The following HCN1 variants were observed in gnomAD, a reference collection of about 807,000 sequenced individuals.
HCN1 encodes potassium/sodium hyperpolarization-activated cyclic nucleotide-gated channel 1.
A neutral mutation model predicts 78.9 loss-of-function variants in HCN1; 13 were observed. That is an observed-to-expected ratio of 0.16 (90% CI 0.11 to 0.26). The LOEUF is 0.26. Ranked by LOEUF, HCN1 falls within the 10% of genes least tolerant of loss-of-function variation. The probability of loss-of-function intolerance (pLI) is 1.00; values close to 1 mark genes in which losing one functional copy is unlikely to be tolerated. For synonymous variants in HCN1, 552 were observed against 455.5 expected (o/e 1.21, Z -2.70); for missense variants, 810 against 1,154.3 (o/e 0.70, Z 4.32).
At chr5:45,352,718 T>A (rs1311824699) in intron 5 of HCN1, among the ~76,000 whole-genome samples, 3 of 151,826 alleles carry the variant, frequency 2.0e-5, no homozygotes, top group Non-Finnish European at 4.4e-5. Context: ...TCACAGCAAG[T>A]CATTGTCTTA....
At position 45,646,448 on chromosome 5, in the gene HCN1, G is replaced by A. The variant is rs1580015596; in HGVS notation, c.426-840C>T. Reference sequence around the variant, plus strand: ...TACAATGGCACAATCTCAGCTCACTGAAACCTCCGCCTCCCAAGTTCAAGT... The same window carrying A: ...TACAATGGCACAATCTCAGCTCACTAAAACCTCCGCCTCCCAAGTTCAAGT... On this transcript the variant is annotated intron_variant, in intron 1 of 7. Coordinates refer to ENST00000303230, the MANE Select transcript of HCN1 (RefSeq NM_021072.4). Among the ~76,000 whole-genome samples the A allele has an allele frequency of 2.9e-5, 4 of 138,148 alleles. No homozygotes were observed. In the South Asian group the frequency reaches 6.7e-4, roughly 23 times the overall value. The allele number at this position is 138,148 out of a possible 152,430, so 90.6% of individuals were successfully genotyped here. A position where few individuals can be genotyped will look rare whatever the true frequency, so the allele number is the denominator to read the frequency against.
At chr5:45,622,352 G>A (rs577095528) in intron 2 of HCN1, among the ~76,000 whole-genome samples, 1 of 152,304 alleles carries the variant, frequency 6.6e-6, no homozygotes, top group East Asian at 1.9e-4. Context: ...TTGTGGATGG[G>A]ATGAATGCTT....
At chr5:45,314,370 C>A (rs537888562) in intron 5 of HCN1, among the ~76,000 whole-genome samples, 1 of 152,258 alleles carries the variant, frequency 6.6e-6, no homozygotes, top group African/African-American at 2.4e-5. Flanking sequence ...AAGCACTAAA[C>A]ATGGAAAGGA....
intron 2 of HCN1, among the ~76,000 whole-genome samples, chr5:45,609,546 T>C (rs571337050): frequency 2.0e-5 from 3 of 152,254 alleles, no homozygotes; most frequent in African/African-American, 7.2e-5. Flanking sequence ...ATATTCTCTA[T>C]TAGATTCTAT....
At chr5:45,476,397 T>C (rs985173716) in intron 2 of HCN1, among the ~76,000 whole-genome samples, 1 of 152,110 alleles carries the variant, frequency 6.6e-6, no homozygotes, top group Non-Finnish European at 1.5e-5. Context: ...CTGTAAGAAA[T>C]CACTATCTGT....
chr5:45,564,403 A>G lies in HCN1; in HGVS notation c.849+80782T>C, dbSNP rs570227506. On this transcript the variant is annotated intron_variant, in intron 2 of 7. Transcript: ENST00000303230. ...AGCCTCCCGAGTAGCTGGGACTACC[A>G]CGCCTGACTAATTTAGTAGAAACGG... Among the ~76,000 whole-genome samples, 28 of 151,788 alleles carry G rather than the reference A, an allele frequency of 1.8e-4. 1 individual carries two copies. In the South Asian group the frequency reaches 5.6e-3, roughly 31 times the overall value.
chr5:45,668,304 T>TG (rs1746089530), intron 1 of HCN1, among the ~76,000 whole-genome samples: 1 of 151,758 alleles, frequency 6.6e-6, no homozygotes, highest in Non-Finnish European at 1.5e-5. Context: ...GATTGGATCA[T>TG]GGGGGCACTT....
intron 3 of HCN1, among the ~76,000 whole-genome samples, chr5:45,435,700 G>A (rs984187899): frequency 1.3e-5 from 2 of 152,084 alleles, no homozygotes; most frequent in African/African-American, 4.8e-5. Flanking sequence ...TATTAAATGA[G>A]ACTTTGATAA....
At chr5:45,347,316 A>G (rs1246935496) in intron 5 of HCN1, among the ~76,000 whole-genome samples, 1 of 152,222 alleles carries the variant, frequency 6.6e-6, no homozygotes, top group Non-Finnish European at 1.5e-5. Flanking sequence ...CCTGTCTGTT[A>G]GAAGGAAAAC....
chr5:45,625,157 GC>G (rs1489688979), intron 2 of HCN1, among the ~76,000 whole-genome samples: 1 of 151,940 alleles, frequency 6.6e-6, no homozygotes, highest in African/African-American at 2.4e-5. Context: ...ACAAAAATTA[GC>G]CGGGTATGGT....
At chr5:45,497,658 T>C (rs1186133863) in intron 2 of HCN1, among the ~76,000 whole-genome samples, 2 of 152,126 alleles carry the variant, frequency 1.3e-5, no homozygotes, top group Non-Finnish European at 2.9e-5. Context: ...CTTTATCCAA[T>C]TCGCCAGTCT....
At chr5:45,558,101 C>CA (rs1383759114) in intron 2 of HCN1, 3 of 146,976 alleles carry the variant, frequency 2.0e-5, no homozygotes, top group Non-Finnish European at 4.5e-5. Context: ...TGAAGGATAT[C>CA]AAAAACTCTA....
At chr5:45,395,713 C>G (rs1045251733) in intron 4 of HCN1, among the ~76,000 whole-genome samples, 1 of 151,852 alleles carries the variant, frequency 6.6e-6, no homozygotes, top group South Asian at 2.1e-4. Context: ...TCAACAAAGC[C>G]CCTACATTAC....
At chr5:45,393,186 T>G (rs1739618275) in intron 4 of HCN1, among the ~76,000 whole-genome samples, 1 of 152,184 alleles carries the variant, frequency 6.6e-6, no homozygotes, top group African/African-American at 2.4e-5. Context: ...ATAAAAGTCT[T>G]TCATGTATAT....
intron 2 of HCN1, among the ~76,000 whole-genome samples, chr5:45,504,984 T>C (rs1404413574): frequency 6.6e-6 from 1 of 152,204 alleles, no homozygotes; most frequent in Non-Finnish European, 1.5e-5. Flanking sequence ...GAGTTCATTG[T>C]AGATTCTGGA....
At chr5:45,466,568 G>A (rs1012365029) in intron 2 of HCN1, among the ~76,000 whole-genome samples, 6 of 151,694 alleles carry the variant, frequency 4.0e-5, no homozygotes, top group Admixed American at 2.0e-4. Flanking sequence ...TTTATATTTC[G>A]GCACCTGCAC....
intron 4 of HCN1, among the ~76,000 whole-genome samples, chr5:45,371,033 G>C (rs140448920): frequency 2.6e-5 from 4 of 152,146 alleles, no homozygotes; most frequent in African/African-American, 9.6e-5. Flanking sequence ...CATTACAGAC[G>C]TTGGGACATA....
At chr5:45,438,703 C>A (rs1740613839) in intron 3 of HCN1, among the ~76,000 whole-genome samples, 1 of 152,030 alleles carries the variant, frequency 6.6e-6, no homozygotes, top group African/African-American at 2.4e-5. Context: ...ATATTAACTA[C>A]TCAGAACTCC....
intron 2 of HCN1, among the ~76,000 whole-genome samples, chr5:45,572,321 C>T (rs77608716): frequency 1.3e-5 from 2 of 152,200 alleles, no homozygotes; most frequent in East Asian, 1.9e-4. Flanking sequence ...TTCTCATTGT[C>T]CTTTCATGTT....
Sources: gnomAD v4.1 joint callset for allele counts (sites outside exome capture counted in the v4.1 genomes callset) on GRCh38, gnomAD v4.1.1 for gene constraint, MANE v1.5 for transcripts, NCBI Gene and HGNC (gene_info 2026-07-23, HGNC 2026-07-21) for gene names.